The following NIBAN1 variants were observed in gnomAD, a reference collection of about 807,000 sequenced individuals.
NIBAN1 encodes niban apoptosis regulator 1.
In NIBAN1, 81 loss-of-function variants were observed where a neutral mutation model predicts 75.1. The ratio of observed to expected loss-of-function variants is 1.08; its 90% CI spans 0.90 to 1.30. NIBAN1 has a LOEUF of 1.30. NIBAN1 is among the 50% of genes most tolerant of loss of function. The pLI is 0.00. For missense variants in NIBAN1, 1,133 were observed against 1,128.1 expected (o/e 1.00, Z -0.06); for synonymous variants, 436 against 424.8 (o/e 1.03, Z -0.32).
rs140580818 is a variant in NIBAN1, at chr1:184,864,295, A to G, written c.601+20338T>C. 3.5e-3 allele frequency among the ~76,000 whole-genome samples: 529 copies of G among 152,274 alleles called. 3 individuals are homozygous for G. The highest frequency in any genetic ancestry group is 4.1e-3 in the Non-Finnish European group (278 of 68,018). ...ATAAATATTAGCAATGTGAGCTATCATTAGTATTTTATCATTATAATTGGC... is the reference window on the plus strand; with the variant it reads ...ATAAATATTAGCAATGTGAGCTATCGTTAGTATTTTATCATTATAATTGGC... On this transcript the variant is annotated intron_variant, in intron 5 of 13. Coordinates refer to ENST00000367511, the MANE Select transcript of NIBAN1 (RefSeq NM_052966.4).
chr1:184,962,068 C>T (rs1315998537), intron 1 of NIBAN1, among the ~76,000 whole-genome samples: 1 of 152,116 alleles, frequency 6.6e-6, no homozygotes, highest in East Asian at 1.9e-4. Flanking sequence ...CTCTAAACAC[C>T]AGAGAGAGAC....
intron 1 of NIBAN1, among the ~76,000 whole-genome samples, chr1:184,938,169 G>A (rs1397343096): frequency 6.6e-6 from 1 of 152,098 alleles, no homozygotes; most frequent in East Asian, 1.9e-4. Context: ...AGAATGATTT[G>A]GGGAATGCAC....
At chr1:184,797,696 A>G (rs1571466288) in intron 13 of NIBAN1, among the ~76,000 whole-genome samples, 2 of 152,312 alleles carry the variant, frequency 1.3e-5, no homozygotes, top group African/African-American at 4.8e-5. Context: ...CCTGTGCCTA[A>G]GAAAAGCCCT....
At chr1:184,867,899 C>A (rs891522675) in intron 5 of NIBAN1, 2 of 985,416 alleles carry the variant, frequency 2.0e-6, no homozygotes, top group Non-Finnish European at 2.4e-6. Flanking sequence ...CTTTTGTCTA[C>A]CCCGTCACTT....
intron 5 of NIBAN1, among the ~76,000 whole-genome samples, chr1:184,879,757 C>T (rs1309230023): frequency 1.3e-5 from 2 of 152,114 alleles, no homozygotes; most frequent in African/African-American, 4.8e-5. Flanking sequence ...GGGGTAAGAG[C>T]TTAAGGCATG....
At chr1:184,830,635 A>G (rs78473628) in intron 6 of NIBAN1, among the ~76,000 whole-genome samples, 4,151 of 152,284 alleles carry the variant, frequency 0.027, 154 homozygotes, top group African/African-American at 0.082. Flanking sequence ...ACCATTCAGC[A>G]TCCTCCAAAT....
chr1:184,945,851 G>A (rs1481758887), intron 1 of NIBAN1, among the ~76,000 whole-genome samples: 7 of 152,290 alleles, frequency 4.6e-5, no homozygotes, highest in East Asian at 1.9e-4. Flanking sequence ...TGGGAAGAGC[G>A]TTCTGAATGA....
intron 1 of NIBAN1, among the ~76,000 whole-genome samples, chr1:184,930,998 T>C (rs1258798161): frequency 8.8e-6 from 1 of 113,660 alleles, no homozygotes; most frequent in Non-Finnish European, 1.6e-5. Flanking sequence ...TTTCTTCTTC[T>C]TTTTTTTTTT....
At position 184,845,928 on chromosome 1, in the gene NIBAN1, C is replaced by T. The variant is rs1408021632; in HGVS notation, c.602-13966G>A. ...GCGCTTTTCAGACCAGCTTAAGAAA[C>T]GGCGCACCACGAGACTATATCCCAC... On this transcript the variant is annotated intron_variant, in intron 5 of 13. Coordinates refer to ENST00000367511, the MANE Select transcript of NIBAN1 (RefSeq NM_052966.4). Among the ~76,000 whole-genome samples the T allele has an allele frequency of 7.4e-5, 6 of 81,076 alleles. 1 individual carries two copies. The highest frequency in any genetic ancestry group is 3.6e-4 in the African/African-American group (6 of 16,664). 53.2% of individuals were successfully genotyped at this position (81,076 alleles called of 152,430 possible). A position where few individuals can be genotyped will look rare whatever the true frequency, so the allele number is the denominator to read the frequency against.
intron 1 of NIBAN1, among the ~76,000 whole-genome samples, chr1:184,966,555 A>G (rs950699562): frequency 6.6e-6 from 1 of 152,224 alleles, no homozygotes; most frequent in Non-Finnish European, 1.5e-5. Context: ...GTAGTTATAA[A>G]TAGATAACTG....
Position 184,884,506 on chromosome 1 carries a change from T to C in NIBAN1, c.601+127A>G, listed in dbSNP as rs1408176615. The C allele has an allele frequency of 1.8e-5, 23 of 1,281,022 alleles. 2 individuals are homozygous for C. The South Asian group carries it at 2.9e-4, about 16-fold the overall frequency. The allele number at this position is 1,281,022 out of a possible 1,614,324, so 79.4% of individuals were successfully genotyped here. On this transcript the variant is annotated intron_variant, in intron 5 of 13. Transcript: ENST00000367511. ...TCCCAAAGTGCTGGGATTACAGGCATGAGCCACCGCACTTGGCTCATCTGT... is the reference window on the plus strand; with the variant it reads ...TCCCAAAGTGCTGGGATTACAGGCACGAGCCACCGCACTTGGCTCATCTGT...
At chr1:184,825,198 A>G (rs1029999041) in intron 6 of NIBAN1, among the ~76,000 whole-genome samples, 1 of 152,246 alleles carries the variant, frequency 6.6e-6, no homozygotes, top group African/African-American at 2.4e-5. Context: ...AGATTGGCTC[A>G]TGAAAAGTTG....
rs1272097872 is a variant in NIBAN1, at chr1:184,823,024, G to A, written c.985+143C>T. On this transcript the variant is annotated intron_variant, in intron 8 of 13. Coordinates refer to ENST00000367511, the MANE Select transcript of NIBAN1 (RefSeq NM_052966.4). ...GCCCAGGCCCCTAATGGTACCTCCA[G>A]CATGTTCCTGTTGCAGCTGTGATCA... is the stretch of plus-strand genomic sequence containing the variant. The A allele has an allele frequency of 4.5e-5, 43 of 954,020 alleles. No individual in the cohort carries two copies. In the East Asian group the frequency reaches 1.1e-3, roughly 24 times the overall value. The allele number at this position is 954,020 out of a possible 1,614,324, so 59.1% of individuals were successfully genotyped here.
At position 184,946,891 on chromosome 1, in the gene NIBAN1, T is replaced by C. The variant is rs572959479; in HGVS notation, c.55+27411A>G. ...GAGTTTGAGACCAGCCTGACCAACA[T>C]GGAGAAACCTTGTCTCTACTAAAAA... On this transcript the variant is annotated intron_variant, in intron 1 of 13. Transcript: ENST00000367511. Among the ~76,000 whole-genome samples the C allele has an allele frequency of 9.8e-4, 149 of 152,116 alleles. 2 individuals carry two copies. The highest frequency in any genetic ancestry group is 9.1e-3 in the South Asian group (44 of 4,816).
intron 1 of NIBAN1, among the ~76,000 whole-genome samples, chr1:184,901,860 C>A (rs578129705): frequency 1.2e-3 from 189 of 152,184 alleles, no homozygotes; most frequent in African/African-American, 4.2e-3. Flanking sequence ...CACCAGGTAG[C>A]GCTTATAAAG....
intron 1 of NIBAN1, among the ~76,000 whole-genome samples, chr1:184,920,153 G>C (rs1657492830): frequency 6.6e-6 from 1 of 152,080 alleles, no homozygotes; most frequent in South Asian, 2.1e-4. Context: ...GAAAATCAAG[G>C]CTCTCATCTT....
At position 184,953,070 on chromosome 1, in the gene NIBAN1, C is replaced by T. The variant is rs554268950; in HGVS notation, c.55+21232G>A. ...ATTTAAAATCTTTGACTTTAGGTTG[C>T]AGAAGGTATACTATTATAAGTGATA... On this transcript the variant is annotated intron_variant, in intron 1 of 13. Transcript: ENST00000367511. Among the ~76,000 whole-genome samples, 25 of 152,282 alleles carry T rather than the reference C, an allele frequency of 1.6e-4. No homozygotes were observed. In the South Asian group the frequency reaches 5.2e-3, roughly 32 times the overall value.
intron 5 of NIBAN1, among the ~76,000 whole-genome samples, chr1:184,881,103 A>G (rs1240366478): frequency 6.8e-6 from 1 of 147,914 alleles, no homozygotes; most frequent in South Asian, 2.2e-4. Flanking sequence ...GTGAGCATGC[A>G]CACACACACA....
chr1:184,838,532 GTC>G (rs1378590076), intron 5 of NIBAN1, among the ~76,000 whole-genome samples: 3 of 152,158 alleles, frequency 2.0e-5, no homozygotes, highest in Non-Finnish European at 4.4e-5. Context: ...ATTCTCTTTA[GTC>G]TCTCTCTACT....
Sources: gnomAD v4.1 joint callset for allele counts (sites outside exome capture counted in the v4.1 genomes callset) on GRCh38, gnomAD v4.1.1 for gene constraint, MANE v1.5 for transcripts, NCBI Gene and HGNC (gene_info 2026-07-23, HGNC 2026-07-21) for gene names.